RBFOX1: variants seen among roughly 807,000 people sequenced by gnomAD.
RBFOX1 encodes the protein RNA binding protein fox-1 homolog 1.
A neutral mutation model predicts 57.7 loss-of-function variants in RBFOX1; 8 were observed. That is an observed-to-expected ratio of 0.14 (90% CI 0.08 to 0.25). The LOEUF is 0.25. RBFOX1 is among the 10% of genes least tolerant of loss of function. RBFOX1 has a pLI of 1.00. For missense variants in RBFOX1, 611 were observed against 548.5 expected, an observed-to-expected ratio of 1.11 and a Z score of -1.14; for synonymous variants, 326 against 222.4, an observed-to-expected ratio of 1.47 and a Z score of -4.15.
At chr16:6,896,090 T>C (rs11640013) in intron 3 of RBFOX1, among the ~76,000 whole-genome samples, 32,817 of 152,022 alleles carry the variant, frequency 0.22, 4,429 homozygotes, top group Admixed American at 0.36. Context: ...CTGGCCAACA[T>C]GGTGAAACCC....
chr16:7,005,049 CA>C (rs1427188111), intron 3 of RBFOX1, among the ~76,000 whole-genome samples: 5 of 152,126 alleles, frequency 3.3e-5, no homozygotes, highest in Admixed American at 6.5e-5. Flanking sequence ...GAGGCTGAGG[CA>C]GGAGCATTCC....
At chr16:7,020,190 A>G (rs557610003) in intron 3 of RBFOX1, among the ~76,000 whole-genome samples, 22 of 151,942 alleles carry the variant, frequency 1.4e-4, no homozygotes, top group African/African-American at 5.3e-4. Context: ...TAAATCTAAA[A>G]TATTTTCTTT....
chr16:5,941,945 C>T (rs532679933), intron 4 of RBFOX1, among the ~76,000 whole-genome samples: 10 of 151,650 alleles, frequency 6.6e-5, no homozygotes, highest in South Asian at 4.2e-4. Flanking sequence ...TAGATAACAA[C>T]GACCACCATT....
chr16:6,121,268 A>C (rs1467740983), intron 1 of RBFOX1, among the ~76,000 whole-genome samples: 1 of 152,162 alleles, frequency 6.6e-6, no homozygotes, highest in Non-Finnish European at 1.5e-5. Flanking sequence ...TTTGAGACAC[A>C]GACTTAATGT....
chr16:7,680,267 G>A (rs1245086596), intron 14 of RBFOX1, among the ~76,000 whole-genome samples: 1 of 152,164 alleles, frequency 6.6e-6, no homozygotes, highest in Non-Finnish European at 1.5e-5. Context: ...AGCCAAACTG[G>A]GAGGTGCGGA....
At position 6,986,346 on chromosome 16, in the gene RBFOX1, C is replaced by G. The variant is rs28755975; in HGVS notation, c.-15-65711C>G. Among the ~76,000 whole-genome samples, 588 of 152,100 alleles carry G rather than the reference C, an allele frequency of 3.9e-3. 8 individuals carry two copies. Among genetic ancestry groups the G allele is most frequent in the African/African-American group, 0.014 (563 of 41,514 alleles). ...CCCGAGTAGCTGGGATTGCAGGCGT[C>G]TGCCACCATGTCTGGCTAATTTTCC... On this transcript the variant is annotated intron_variant, in intron 3 of 15. Coordinates refer to ENST00000550418, the MANE Select transcript of RBFOX1 (RefSeq NM_018723.4).
At chr16:5,489,318 G>A (rs947225135) in intron 2 of RBFOX1, among the ~76,000 whole-genome samples, 6 of 152,206 alleles carry the variant, frequency 3.9e-5, no homozygotes, top group African/African-American at 1.4e-4. Context: ...TCCTTGGAAG[G>A]AGGATAAAGG....
chr16:5,415,188 G>T (rs558788005), intron 1 of RBFOX1, among the ~76,000 whole-genome samples: 1 of 152,294 alleles, frequency 6.6e-6, no homozygotes, highest in African/African-American at 2.4e-5. Context: ...TAATTAACTT[G>T]CAGTTCTATG....
At chr16:6,273,064 A>C (rs2075379094) in intron 1 of RBFOX1, among the ~76,000 whole-genome samples, 1 of 152,012 alleles carries the variant, frequency 6.6e-6, no homozygotes, top group Non-Finnish European at 1.5e-5. Context: ...GTTCAAGACC[A>C]GCCTGGCCAA....
At chr16:7,149,501 T>TTTTA (rs1491444248) in intron 4 of RBFOX1, among the ~76,000 whole-genome samples, 6 of 117,582 alleles carry the variant, frequency 5.1e-5, no homozygotes, top group Non-Finnish European at 1.1e-4. Flanking sequence ...TTTTTTTTTT[T>TTTTA]TCCCCGACAG....
At chr16:6,465,941 A>G (rs1333480189) in intron 2 of RBFOX1, among the ~76,000 whole-genome samples, 1 of 151,872 alleles carries the variant, frequency 6.6e-6, no homozygotes, top group Non-Finnish European at 1.5e-5. Flanking sequence ...TTTAACCAAA[A>G]AGAAAGACTG....
chr16:7,131,013 G>C (rs1041444142), intron 4 of RBFOX1, among the ~76,000 whole-genome samples: 4 of 152,146 alleles, frequency 2.6e-5, no homozygotes, highest in South Asian at 2.1e-4. Context: ...TTAAAAGTTA[G>C]AAATTTGTGA....
chr16:6,649,028 C>T (rs1335618630), intron 2 of RBFOX1, among the ~76,000 whole-genome samples: 1 of 152,068 alleles, frequency 6.6e-6, no homozygotes, highest in Non-Finnish European at 1.5e-5. Flanking sequence ...CTGTAGTCAC[C>T]ATGTTGTATA....
At chr16:6,472,444 C>G (rs1157471322) in intron 2 of RBFOX1, among the ~76,000 whole-genome samples, 1 of 152,122 alleles carries the variant, frequency 6.6e-6, no homozygotes, top group Non-Finnish European at 1.5e-5. Flanking sequence ...GCACTTGGCC[C>G]AAGTCAAATC....
chr16:7,206,926 C>A (rs577097844), intron 4 of RBFOX1, among the ~76,000 whole-genome samples: 282 of 152,254 alleles, frequency 1.9e-3, no homozygotes, highest in African/African-American at 6.6e-3. Context: ...ACAGCATGGT[C>A]TGTTTCTGTT....
chr16:5,751,984 T>C (rs759957945), intron 3 of RBFOX1, among the ~76,000 whole-genome samples: 10 of 152,208 alleles, frequency 6.6e-5, no homozygotes, highest in African/African-American at 1.4e-4. Context: ...TGTATGTTCA[T>C]TGTACACTAT....
chr16:5,731,143 C>G (rs1439040037), intron 3 of RBFOX1, among the ~76,000 whole-genome samples: 1 of 152,090 alleles, frequency 6.6e-6, no homozygotes, highest in Non-Finnish European at 1.5e-5. Flanking sequence ...AGCACCACCA[C>G]CATTATCATT....
chr16:6,440,570 G>A (rs530456244), intron 2 of RBFOX1, among the ~76,000 whole-genome samples: 1 of 152,214 alleles, frequency 6.6e-6, no homozygotes, highest in Non-Finnish European at 1.5e-5. Flanking sequence ...GGGAGGCTGA[G>A]GCAGGCGGAT....
In RBFOX1 at chr16:5,596,982, C is replaced by G. The variant is rs377676082; in HGVS notation, c.259-1920C>G. Among the ~76,000 whole-genome samples the G allele has an allele frequency of 3.3e-5, 5 of 152,128 alleles. No homozygotes were observed. The East Asian group carries it at 9.6e-4, about 29-fold the overall frequency. ...AAACACATTTTTGATTTCTTGGTCA[C>G]CAGATTTTTCCATGACCAATGTCTA... is the stretch of plus-strand genomic sequence containing the variant. On this transcript the variant is annotated intron_variant, in intron 2 of 2. Coordinates refer to the RBFOX1 transcript ENST00000585867.
Sources: gnomAD v4.1 joint callset for allele counts (sites outside exome capture counted in the v4.1 genomes callset) on GRCh38, gnomAD v4.1.1 for gene constraint, MANE v1.5 for transcripts, NCBI Gene and HGNC (gene_info 2026-07-23, HGNC 2026-07-21) for gene names.